The following PDE4B variants were observed in gnomAD, a reference collection of about 807,000 sequenced individuals.
PDE4B encodes the protein 3',5'-cyclic-AMP phosphodiesterase 4B.
A neutral mutation model predicts 82.2 loss-of-function variants in PDE4B; 20 were observed. The observed-to-expected ratio is 0.24, with a 90% CI of 0.17 to 0.35. PDE4B has a LOEUF of 0.35. Among genes scored for constraint, PDE4B ranks in the 10% least tolerant of loss-of-function variants. The pLI, the probability that PDE4B is intolerant of heterozygous loss-of-function variation, is 1.00. For synonymous variants in PDE4B, 320 were observed against 318.9 expected, an observed-to-expected ratio of 1.00 and a Z score of -0.04; for missense variants, 655 against 907.2, an observed-to-expected ratio of 0.72 and a Z score of 3.57.
intron 1 of PDE4B, among the ~76,000 whole-genome samples, chr1:65,876,085 AG>A (rs1366738076): frequency 6.6e-6 from 1 of 152,138 alleles, no homozygotes; most frequent in Non-Finnish European, 1.5e-5. Context: ...TGGGGGCGGA[AG>A]TTTTTTTAGA....
At chr1:65,887,658 T>C (rs1646806457) in intron 1 of PDE4B, among the ~76,000 whole-genome samples, 1 of 151,664 alleles carries the variant, frequency 6.6e-6, no homozygotes. Context: ...TCTCAAGCAA[T>C]CCACCTGCCT....
chr1:66,143,859 C>T (rs996080426), intron 3 of PDE4B, among the ~76,000 whole-genome samples: 15 of 152,192 alleles, frequency 9.9e-5, no homozygotes, highest in African/African-American at 2.7e-4. Flanking sequence ...CTTGTAACCA[C>T]GATGGCAGAT....
chr1:66,307,761 G>A lies in PDE4B; in HGVS notation c.635-24747G>A, dbSNP rs932191975. Among the ~76,000 whole-genome samples the A allele has an allele frequency of 7.2e-5, 11 of 152,190 alleles. No individual in the cohort carries two copies. The South Asian group carries it at 1.7e-3, about 23-fold the overall frequency. ...ATGGGAGATTTCCAGGAATTTTCAG[G>A]TGGTGGTGAGTACCGGTTTTTTTGT... On this transcript the variant is annotated intron_variant, in intron 7 of 16. Coordinates refer to ENST00000341517, the MANE Select transcript of PDE4B (RefSeq NM_002600.4).
intron 1 of PDE4B, among the ~76,000 whole-genome samples, chr1:65,871,666 C>T (rs575208019): frequency 1.3e-5 from 2 of 152,312 alleles, no homozygotes; most frequent in East Asian, 3.9e-4. Flanking sequence ...GATACTTAGG[C>T]ACAAGTTGAC....
At chr1:66,163,702 A>T (rs142418696) in intron 3 of PDE4B, among the ~76,000 whole-genome samples, 1 of 152,234 alleles carries the variant, frequency 6.6e-6, no homozygotes, top group Non-Finnish European at 1.5e-5. Context: ...AATAATTTTT[A>T]AAATGTCATT....
At chr1:65,889,148 G>T (rs1047311013) in intron 1 of PDE4B, among the ~76,000 whole-genome samples, 3 of 152,110 alleles carry the variant, frequency 2.0e-5, no homozygotes, top group Non-Finnish European at 4.4e-5. Flanking sequence ...ATCATGAAGG[G>T]ATGTTGAATT....
At chr1:65,913,141 C>T in intron 1 of PDE4B, 104 bp from the exon 2 acceptor site, 1 of 499,594 alleles carries the variant, frequency 2.0e-6, no homozygotes. Context: ...TTTGCTTTTA[C>T]ATGTACATTG....
At chr1:66,048,539 A>G (rs891309987) in intron 3 of PDE4B, among the ~76,000 whole-genome samples, 5 of 152,114 alleles carry the variant, frequency 3.3e-5, no homozygotes, top group East Asian at 1.9e-4. Context: ...CATGATTTAC[A>G]CTACAAAGAA....
chr1:65,838,615 GTA>G (rs1303365363), intron 1 of PDE4B, among the ~76,000 whole-genome samples: 2 of 148,334 alleles, frequency 1.3e-5, no homozygotes, highest in African/African-American at 2.5e-5. Flanking sequence ...ATGTATATGT[GTA>G]TATATATGTG....
intron 3 of PDE4B, among the ~76,000 whole-genome samples, chr1:65,953,347 A>T (rs978871513): frequency 6.6e-6 from 1 of 152,124 alleles, no homozygotes; most frequent in Admixed American, 6.6e-5. Flanking sequence ...ACTATGTTAC[A>T]TTATGAGATA....
chr1:66,101,620 T>C (rs1570236770), intron 3 of PDE4B, among the ~76,000 whole-genome samples: 1 of 152,226 alleles, frequency 6.6e-6, no homozygotes, highest in Non-Finnish European at 1.5e-5. Flanking sequence ...GTTGGCTGCA[T>C]AAATGTCTTC....
intron 7 of PDE4B, among the ~76,000 whole-genome samples, chr1:66,270,100 G>A (rs1048857328): frequency 1.3e-5 from 2 of 152,180 alleles, no homozygotes; most frequent in African/African-American, 2.4e-5. Flanking sequence ...GAATCACTTT[G>A]AGGACTTCAA....
chr1:66,079,597 G>A (rs1656620013), intron 3 of PDE4B, among the ~76,000 whole-genome samples: 1 of 152,098 alleles, frequency 6.6e-6, no homozygotes, highest in South Asian at 2.1e-4. Flanking sequence ...TTAGAGAATA[G>A]AAAGAGTTAT....
intron 3 of PDE4B, among the ~76,000 whole-genome samples, chr1:65,937,571 C>T (rs1353182011): frequency 6.6e-6 from 1 of 152,170 alleles, no homozygotes; most frequent in African/African-American, 2.4e-5. Flanking sequence ...CACATCTGTT[C>T]AGCTCTCATC....
At chr1:65,887,749 T>A (rs1646807660) in intron 1 of PDE4B, among the ~76,000 whole-genome samples, 1 of 151,954 alleles carries the variant, frequency 6.6e-6, no homozygotes, top group Admixed American at 6.6e-5. Context: ...TATTTGCCAT[T>A]TGTCTGTCTT....
At chr1:65,844,421 T>C (rs1419806570) in intron 1 of PDE4B, among the ~76,000 whole-genome samples, 1 of 152,184 alleles carries the variant, frequency 6.6e-6, no homozygotes, top group Non-Finnish European at 1.5e-5. Context: ...AAAGAAATGT[T>C]GTCTCAGAGC....
upstream of PDE4B, among the ~76,000 whole-genome samples, chr1:65,792,840 T>C (rs1466481995): frequency 3.3e-5 from 5 of 151,890 alleles, no homozygotes; most frequent in Non-Finnish European, 5.9e-5. Flanking sequence ...ACCGGCGAGC[T>C]GTCTCTCTTC....
At chr1:65,853,041 G>T (rs1571017806) in intron 1 of PDE4B, among the ~76,000 whole-genome samples, 1 of 151,812 alleles carries the variant, frequency 6.6e-6, no homozygotes, top group Non-Finnish European at 1.5e-5. Context: ...GCCAGTTTTT[G>T]CCTCTTGTTT....
intron 1 of PDE4B, among the ~76,000 whole-genome samples, chr1:65,822,366 T>G (rs1011347146): frequency 6.6e-6 from 1 of 152,204 alleles, no homozygotes; most frequent in African/African-American, 2.4e-5. Context: ...GGAGTGAAAT[T>G]GCTGTCTTAA....
Sources: gnomAD v4.1 joint callset for allele counts (sites outside exome capture counted in the v4.1 genomes callset) on GRCh38, gnomAD v4.1.1 for gene constraint, MANE v1.5 for transcripts, NCBI Gene and HGNC (gene_info 2026-07-23, HGNC 2026-07-21) for gene names.